Variants in RXRA observed in about 807,000 individuals in gnomAD.
The protein encoded by RXRA is retinoid X receptor alpha.
RXRA carries 5 observed loss-of-function variants against 44.5 expected under a neutral mutation model. The observed-to-expected ratio is 0.11, with a 90% CI of 0.06 to 0.24. The LOEUF is 0.24. Among genes scored for constraint, RXRA ranks in the 10% least tolerant of loss-of-function variants. RXRA has a pLI of 1.00. For synonymous variants in RXRA, 291 were observed against 271.4 expected, an observed-to-expected ratio of 1.07 and a Z score of -0.71; for missense variants, 412 against 646.5, an observed-to-expected ratio of 0.64 and a Z score of 3.93.
intron 4 of RXRA, among the ~76,000 whole-genome samples, chr9:134,415,712 C>T (rs1033797433): frequency 3.3e-5 from 5 of 152,306 alleles, no homozygotes; most frequent in South Asian, 2.1e-4. Context: ...CAGCCCAGCA[C>T]ACTGGCAGGA....
intron 1 of RXRA, chr9:134,379,537 C>G (rs1376276187): frequency 1.0e-6 from 1 of 985,848 alleles, no homozygotes; most frequent in Admixed American, 6.1e-5. Context: ...GGCCGTGGCC[C>G]AGGGTCTTGG....
chr9:134,345,285 T>C (rs1391488846), intron 1 of RXRA, among the ~76,000 whole-genome samples: 1 of 152,210 alleles, frequency 6.6e-6, no homozygotes, highest in Non-Finnish European at 1.5e-5. Context: ...GAGGGCCAGT[T>C]GTCAGGTGCT....
chr9:134,348,169 T>G (rs771200724), intron 1 of RXRA, among the ~76,000 whole-genome samples: 2 of 152,132 alleles, frequency 1.3e-5, no homozygotes, highest in South Asian at 2.1e-4. Context: ...GGCGCGGCAG[T>G]TGCGATTGAG....
chr9:134,386,272 G>C (rs1393861453), intron 1 of RXRA, among the ~76,000 whole-genome samples: 4 of 152,262 alleles, frequency 2.6e-5, no homozygotes, highest in Non-Finnish European at 4.4e-5. Context: ...GCCAGCGGCC[G>C]ATGGGGCCGC....
In RXRA at chr9:134,414,569, G is replaced by C. The variant is rs1334011819; in HGVS notation, c.611-2589G>C. Reference sequence around the variant, plus strand: ...GGGCTGTGGCAGGCTAGCAGGCTCTGTGGGGCTGGGGTTGTCGGATCCCAG... The same window carrying C: ...GGGCTGTGGCAGGCTAGCAGGCTCTCTGGGGCTGGGGTTGTCGGATCCCAG... On this transcript the variant is annotated intron_variant, in intron 4 of 9. Transcript: ENST00000481739. Among the ~76,000 whole-genome samples, 3 of 152,276 alleles carry C rather than the reference G, an allele frequency of 2.0e-5. No homozygotes were observed. The East Asian group carries it at 5.8e-4, about 29-fold the overall frequency.
chr9:134,424,343 G>A (rs948837902), intron 6 of RXRA: 5 of 985,372 alleles, frequency 5.1e-6, no homozygotes, highest in African/African-American at 1.7e-5. Context: ...CCTGCCCAGC[G>A]GCTCTTTCCG....
intron 6 of RXRA, 47 bp from the exon 7 acceptor site, chr9:134,429,061 C>T (rs1433626104): frequency 1.8e-5 from 29 of 1,607,620 alleles, no homozygotes; most frequent in Non-Finnish European, 2.5e-5. Flanking sequence ...AGGGGCGAGC[C>T]CCGTGGGGCC....
chr9:134,417,152 T>C lies in RXRA; in HGVS notation c.611-6T>C. On this transcript the variant is annotated splice_region_variant and splice_polypyrimidine_tract_variant and intron_variant, in intron 4 of 9. Coordinates refer to ENST00000481739, the MANE Select transcript of RXRA (RefSeq NM_002957.6). The surrounding 1 kb of genome is among the most constrained non-coding windows in gnomAD (Gnocchi z 6.1). ...GTGGGGCTCACCTGCGCCTCCCGGG[T>C]TGTAGCCGTGCAGGAGGAGCGGCAG... is the stretch of plus-strand genomic sequence containing the variant. The C allele has an allele frequency of 3.7e-6, 6 of 1,608,774 alleles. No homozygotes were observed. Among genetic ancestry groups the C allele is most frequent in the Non-Finnish European group, 5.1e-6 (6 of 1,178,960 alleles).
intron 1 of RXRA, among the ~76,000 whole-genome samples, chr9:134,373,129 C>G (rs925358399): frequency 3.3e-5 from 5 of 152,122 alleles, no homozygotes; most frequent in African/African-American, 1.2e-4. Context: ...TGGGCTGGGC[C>G]ACACAGCCAA....
At position 134,433,084 on chromosome 9, in the gene RXRA, A is replaced by ACCTTGC. The variant is rs1831558452; in HGVS notation, c.1136-1013_1136-1008dup. Among the ~76,000 whole-genome samples the ACCTTGC allele has an allele frequency of 6.6e-6, 1 of 151,766 alleles. No homozygotes were observed. The highest frequency in any genetic ancestry group is 1.9e-4 in the East Asian group (1 of 5,150). ...CTCGGCTCCTGGCCCTGACCTTCTG[A>ACCTTGC]CCTTGCCCTTTGTCAGACCTGGCTC... On this transcript the variant is annotated intron_variant, in intron 8 of 9. Coordinates refer to ENST00000481739, the MANE Select transcript of RXRA (RefSeq NM_002957.6). This position sits in a 1 kb window ranked among gnomAD's most constrained non-coding sequence, Gnocchi z 4.2.
chr9:134,420,575 G>C (rs1048776774), intron 5 of RXRA, among the ~76,000 whole-genome samples: 1 of 152,258 alleles, frequency 6.6e-6, no homozygotes, highest in African/African-American at 2.4e-5. Context: ...TTCCCGCCGG[G>C]CGCTGCGTTT....
Position 134,421,809 on chromosome 9 carries a change from A to G in RXRA, c.910+4A>G, listed in dbSNP as rs906541310. On this transcript the variant is annotated splice_donor_region_variant and intron_variant, in intron 6 of 9. Coordinates refer to ENST00000481739, the MANE Select transcript of RXRA (RefSeq NM_002957.6). Reference sequence around the variant, plus strand: ...CAGGTCATCCTGCTGCGGGCAGGTGAGTGGCGAGGCCTAGGTGGGGATGGG... The same window carrying G: ...CAGGTCATCCTGCTGCGGGCAGGTGGGTGGCGAGGCCTAGGTGGGGATGGG... 1 of 1,612,676 alleles carries G rather than the reference A, an allele frequency of 6.2e-7. No individual in the cohort carries two copies. The highest frequency in any genetic ancestry group is 8.5e-7 in the Non-Finnish European group (1 of 1,179,474).
chr9:134,375,635 C>T (rs1368485442), intron 1 of RXRA, among the ~76,000 whole-genome samples: 6 of 152,108 alleles, frequency 3.9e-5, no homozygotes, highest in African/African-American at 7.2e-5. Context: ...CCAGGGCCAG[C>T]GGGCAGCCTG....
chr9:134,326,852 C>CCGGGG (rs1345234926), intron 1 of RXRA, among the ~76,000 whole-genome samples, 193 bp downstream of exon 1: 5 of 136,824 alleles, frequency 3.7e-5, no homozygotes. Context: ...TTTCGCGGGG[C>CCGGGG]CGGGGCGGGG....
At chr9:134,344,904 T>C (rs1554748561) in intron 1 of RXRA, among the ~76,000 whole-genome samples, 1 of 152,146 alleles carries the variant, frequency 6.6e-6, no homozygotes, top group East Asian at 1.9e-4. Flanking sequence ...GTGCGGGCCC[T>C]GTGCCTGGTG....
intron 4 of RXRA, among the ~76,000 whole-genome samples, chr9:134,411,145 A>G (rs2119164040): frequency 6.6e-6 from 1 of 152,302 alleles, no homozygotes; most frequent in East Asian, 1.9e-4. Flanking sequence ...GGCCCTCGGA[A>G]GTCGGTGATG....
intron 1 of RXRA, among the ~76,000 whole-genome samples, chr9:134,394,512 A>G (rs1252599674): frequency 6.6e-6 from 1 of 151,486 alleles, no homozygotes; most frequent in African/African-American, 2.4e-5. Flanking sequence ...TGTGTGGGTC[A>G]CTCTTCCTCA....
At chr9:134,341,802 G>T (rs1830089703) in intron 1 of RXRA, among the ~76,000 whole-genome samples, 2 of 152,352 alleles carry the variant, frequency 1.3e-5, no homozygotes, top group South Asian at 4.1e-4. Flanking sequence ...CCTCCTCTGG[G>T]TCTTGGCCTG....
intron 1 of RXRA, among the ~76,000 whole-genome samples, chr9:134,335,652 G>T (rs538533002): frequency 6.6e-6 from 1 of 152,272 alleles, no homozygotes; most frequent in Non-Finnish European, 1.5e-5. Flanking sequence ...GAGGAGCTCA[G>T]GCTAGGGGTG....
Sources: gnomAD v4.1 joint callset for allele counts (sites outside exome capture counted in the v4.1 genomes callset) on GRCh38, gnomAD v4.1.1 for gene constraint, Gnocchi (gnomAD v3.1) non-coding constraint, MANE v1.5 for transcripts, NCBI Gene and HGNC (gene_info 2026-07-23, HGNC 2026-07-21) for gene names.